PACRG: variants seen among roughly 807,000 people sequenced by gnomAD.
PACRG encodes parkin coregulated gene protein.
A neutral mutation model predicts 29.7 loss-of-function variants in PACRG; 29 were observed. That is an observed-to-expected ratio of 0.98 (90% CI 0.73 to 1.33). The LOEUF is 1.33. Ranked by LOEUF, PACRG falls within the 40% of genes most tolerant of loss-of-function variation. The pLI, the probability that PACRG is intolerant of heterozygous loss-of-function variation, is 0.00. For missense variants in PACRG, 279 were observed against 316.2 expected (o/e 0.88, Z 0.89); for synonymous variants, 116 against 118.7 (o/e 0.98, Z 0.15).
intron 1 of PACRG, among the ~76,000 whole-genome samples, chr6:162,773,194 G>C (rs1302239314): frequency 6.6e-6 from 1 of 152,122 alleles, no homozygotes; most frequent in Non-Finnish European, 1.5e-5. Flanking sequence ...AGCTGGCTGA[G>C]AATGAGTTCA....
In PACRG at chr6:162,853,079, C is replaced by T. The variant is rs78071473; in HGVS notation, c.291+38798C>T. On this transcript the variant is annotated intron_variant, in intron 2 of 4. Coordinates refer to ENST00000366888, the MANE Select transcript of PACRG (RefSeq NM_001080379.2). This position sits in a 1 kb window ranked among gnomAD's most constrained non-coding sequence, Gnocchi z 4.7. ...CAGGTTTGGGATGGATGAGAGATTT[C>T]CTTCTTTTGTAAAGCGGCAGAACTA... is the stretch of plus-strand genomic sequence containing the variant. Among the ~76,000 whole-genome samples the T allele has an allele frequency of 0.015, 2,319 of 152,250 alleles. 54 individuals are homozygous for T. The highest frequency in any genetic ancestry group is 0.05 in the African/African-American group (2,085 of 41,542).
At chr6:162,971,773 G>A (rs1049922673) in intron 2 of PACRG, among the ~76,000 whole-genome samples, 1 of 152,192 alleles carries the variant, frequency 6.6e-6, no homozygotes, top group African/African-American at 2.4e-5. Flanking sequence ...GGAAGCACAA[G>A]GATCTCTGCG....
intron 4 of PACRG, among the ~76,000 whole-genome samples, chr6:163,207,962 G>A (rs1417781018): frequency 2.0e-5 from 3 of 152,202 alleles, no homozygotes; most frequent in Admixed American, 2.0e-4. Context: ...GAGAAGGAGT[G>A]GGGACTTGGG....
At chr6:162,955,307 T>G (rs1344598151) in intron 2 of PACRG, among the ~76,000 whole-genome samples, 2 of 152,088 alleles carry the variant, frequency 1.3e-5, no homozygotes, top group East Asian at 1.9e-4. Flanking sequence ...TGTTTTTGTT[T>G]TTGTTTTTTT....
At chr6:163,252,461 G>A (rs966741646) in intron 4 of PACRG, among the ~76,000 whole-genome samples, 3 of 152,228 alleles carry the variant, frequency 2.0e-5, no homozygotes, top group Non-Finnish European at 2.9e-5. Context: ...GGCAGGGGCC[G>A]GAGAGGGCTG....
chr6:163,063,581 G>A (rs1811275107), intron 3 of PACRG, among the ~76,000 whole-genome samples: 1 of 152,160 alleles, frequency 6.6e-6, no homozygotes, highest in African/African-American at 2.4e-5. Flanking sequence ...TCATTCAAAT[G>A]TATCATGATC....
rs149526844 is a variant in PACRG, at chr6:162,869,574, G to A, written c.291+55293G>A. Among the ~76,000 whole-genome samples the A allele has an allele frequency of 2.6e-5, 4 of 152,254 alleles. No homozygotes were observed. In the East Asian group the frequency reaches 7.7e-4, roughly 29 times the overall value. On this transcript the variant is annotated intron_variant, in intron 2 of 4. Transcript: ENST00000366888. ...AATGCTGTAGTTATAAAAAGTCGTG[G>A]CAGGTTATGGGGGCCCTTTTGTTTA...
chr6:163,073,561 C>G (rs2128281884), intron 3 of PACRG, among the ~76,000 whole-genome samples: 1 of 152,232 alleles, frequency 6.6e-6, no homozygotes, highest in Admixed American at 6.5e-5. Flanking sequence ...GCACAGGCAA[C>G]CAAAGCAAAA....
At chr6:162,822,420 T>A (rs1251987670) in intron 2 of PACRG, among the ~76,000 whole-genome samples, 2 of 152,234 alleles carry the variant, frequency 1.3e-5, no homozygotes, top group Admixed American at 1.3e-4. Flanking sequence ...TTCACAAAGT[T>A]CATTATGTAT....
intron 2 of PACRG, among the ~76,000 whole-genome samples, chr6:162,929,263 T>G (rs1343865144): frequency 1.3e-5 from 2 of 151,948 alleles, no homozygotes; most frequent in East Asian, 3.9e-4. Flanking sequence ...GTTCTTGACA[T>G]TCCCACCGGC....
intron 1 of PACRG, among the ~76,000 whole-genome samples, chr6:162,812,571 A>T (rs1786969605): frequency 6.6e-6 from 1 of 151,888 alleles, no homozygotes; most frequent in African/African-American, 2.4e-5. Context: ...TTCTAAAAAA[A>T]AATAACTTTT....
intron 2 of PACRG, among the ~76,000 whole-genome samples, chr6:162,899,872 G>A (rs1795432380): frequency 1.3e-5 from 2 of 152,140 alleles, no homozygotes; most frequent in Non-Finnish European, 2.9e-5. Flanking sequence ...AACTGAAGCT[G>A]GAAATGAAAT....
In PACRG at chr6:163,240,372, AGT is replaced by A. The variant is rs529526205; in HGVS notation, c.614-74451_614-74450del. Among the ~76,000 whole-genome samples, 48 of 152,324 alleles carry A rather than the reference AGT, an allele frequency of 3.2e-4. No homozygotes were observed. The East Asian group carries it at 8.5e-3, about 27-fold the overall frequency. On this transcript the variant is annotated intron_variant, in intron 4 of 4. Transcript: ENST00000366888. ...AAATTTTGTTTAAAGATTTAGGGAA[AGT>A]GTGGCTGTTTAAGAGACAAGCTCTG...
At chr6:163,309,039 T>A (rs4708991) in intron 4 of PACRG, among the ~76,000 whole-genome samples, 70,956 of 151,538 alleles carry the variant, frequency 0.47, 18,217 homozygotes, top group African/African-American at 0.7. Context: ...ATTTTTTTTT[T>A]AAATTCCACT....
chr6:163,136,483 G>C (rs1816941299), intron 4 of PACRG, among the ~76,000 whole-genome samples: 1 of 152,204 alleles, frequency 6.6e-6, no homozygotes, highest in South Asian at 2.1e-4. Flanking sequence ...ACGTTTAAGA[G>C]ATTGAATTTT....
intron 2 of PACRG, among the ~76,000 whole-genome samples, chr6:163,049,134 C>T (rs549264745): frequency 3.9e-4 from 60 of 152,004 alleles, no homozygotes; most frequent in African/African-American, 1.3e-3. Flanking sequence ...TTTAAACAGT[C>T]GTGATAATCA....
chr6:163,217,303 G>A (rs1334944333), intron 4 of PACRG, among the ~76,000 whole-genome samples: 3 of 152,192 alleles, frequency 2.0e-5, no homozygotes, highest in African/African-American at 4.8e-5. Flanking sequence ...CACCCCCAAC[G>A]GGAGCCCAAT....
intron 4 of PACRG, among the ~76,000 whole-genome samples, chr6:163,209,249 A>G (rs751643859): frequency 6.6e-6 from 1 of 152,238 alleles, no homozygotes; most frequent in Non-Finnish European, 1.5e-5. Context: ...AGTAGCCTTA[A>G]TAAAGAATAG....
At chr6:162,895,668 A>G (rs1422640785) in intron 2 of PACRG, among the ~76,000 whole-genome samples, 3 of 152,216 alleles carry the variant, frequency 2.0e-5, no homozygotes, top group Non-Finnish European at 4.4e-5. Context: ...CAATTTGAAA[A>G]TAAAACCTGC....
Sources: allele counts gnomAD v4.1 joint callset (sites outside exome capture counted in the v4.1 genomes callset), GRCh38; gene constraint gnomAD v4.1.1; non-coding constraint Gnocchi (gnomAD v3.1); transcripts MANE v1.5; gene names NCBI Gene and HGNC (gene_info 2026-07-23, HGNC 2026-07-21).